Variants in CYB5D2 observed in about 807,000 individuals in gnomAD.
CYB5D2 encodes the protein cytochrome b5 domain containing 2.
CYB5D2 carries 23 observed loss-of-function variants against 22.8 expected under a neutral mutation model. That is an observed-to-expected ratio of 1.01 (90% CI 0.73 to 1.43). The LOEUF is 1.43. CYB5D2 is among the 40% of genes most tolerant of loss of function. The pLI is 0.00. For missense variants in CYB5D2, 373 were observed against 357.2 expected (o/e 1.04, Z -0.36); for synonymous variants, 170 against 152.2 (o/e 1.12, Z -0.86).
At chr17:4,155,407 C>T (rs933632898) in intron 3 of CYB5D2, among the ~76,000 whole-genome samples, 1 of 152,074 alleles carries the variant, frequency 6.6e-6, no homozygotes, top group Non-Finnish European at 1.5e-5. Flanking sequence ...CGCTTGAGCT[C>T]AGGAGTTGGA....
chr17:4,157,003 G>A lies in CYB5D2; in HGVS notation c.716G>A (p.Arg239His), dbSNP rs2059119314. ...QMPDNPPHRN[R>H]GDLDHPNLAE... ...CCGGACAACCCTCCACACAGAAATC[G>A]TGGGGACCTGGACCACCCAAACTTG... Residue 239 changes from arginine (R) to histidine (H), a missense_variant, in exon 4 of 4, where the codon CGT becomes CAT. By Grantham distance (29) the Arg-to-His change is conservative (BLOSUM62 0). Transcript: ENST00000301391. The surrounding 1 kb of genome is among the most constrained non-coding windows in gnomAD (Gnocchi z 4.4). 4 of 1,612,730 alleles carry A rather than the reference G, an allele frequency of 2.5e-6. No individual in the cohort carries two copies. The highest frequency in any genetic ancestry group is 3.4e-6 in the Non-Finnish European group (4 of 1,180,032).
At chr17:4,145,934 G>A (rs1360666358) in intron 1 of CYB5D2, among the ~76,000 whole-genome samples, 1 of 151,998 alleles carries the variant, frequency 6.6e-6, no homozygotes, top group Non-Finnish European at 1.5e-5. Flanking sequence ...AAGTAGCGGG[G>A]ACCATAGGTG....
intron 3 of CYB5D2, 111 bp downstream of exon 3, chr17:4,154,971 T>G (rs1347109749): frequency 2.3e-5 from 26 of 1,143,016 alleles, no homozygotes; most frequent in Non-Finnish European, 8.5e-6. Context: ...CCTGGGGAGC[T>G]TTTTCAAAAT....
chr17:4,147,219 C>T (rs1383511142), intron 1 of CYB5D2, among the ~76,000 whole-genome samples: 2 of 152,026 alleles, frequency 1.3e-5, no homozygotes, highest in Non-Finnish European at 1.5e-5. Flanking sequence ...TGCAGTGAGC[C>T]AAGATCGCAC....
chr17:4,156,812 C>A, intron 3 of CYB5D2, 54 bp from the exon 4 acceptor site: 1 of 1,585,488 alleles, frequency 6.3e-7, no homozygotes, highest in Non-Finnish European at 8.6e-7. Flanking sequence ...TCTCCCCTTC[C>A]CAGAGACTCA....
intron 1 of CYB5D2, among the ~76,000 whole-genome samples, chr17:4,145,278 C>T (rs34767676): frequency 0.042 from 6,425 of 152,296 alleles, 192 homozygotes; most frequent in Non-Finnish European, 0.067. Context: ...AGCCACTTCC[C>T]TCTGTCTAGG....
At position 4,143,587 on chromosome 17, in the gene CYB5D2, C is replaced by T. The variant is rs1476790962; in HGVS notation, c.-169C>T. The T allele has an allele frequency of 1.0e-5, 10 of 956,032 alleles. No homozygotes were observed. Among genetic ancestry groups the T allele is most frequent in the East Asian group, 2.7e-5 (1 of 36,854 alleles). 59.2% of individuals were successfully genotyped at this position (956,032 alleles called of 1,614,324 possible). A position where few individuals can be genotyped will look rare whatever the true frequency, so the allele number is the denominator to read the frequency against. On this transcript the variant is annotated 5_prime_UTR_variant, in exon 1 of 4. Coordinates refer to ENST00000301391, the MANE Select transcript of CYB5D2 (RefSeq NM_144611.4). ...CAGACAGCGAGCTTTTCGCCAGTGC[C>T]AGGAATACAGATAAAACGAGAGAGA...
rs368395731 is a variant in CYB5D2 at position 4,157,109 on chromosome 17, A to G, written c.*27A>G. On this transcript the variant is annotated 3_prime_UTR_variant, in exon 4 of 4. Coordinates refer to ENST00000301391, the MANE Select transcript of CYB5D2 (RefSeq NM_144611.4). This position sits in a 1 kb window ranked among gnomAD's most constrained non-coding sequence, Gnocchi z 4.4. Reference sequence around the variant, plus strand: ...CCGTAGCCTCTTCTGTTAATAACACACAGAGAGCTCTGCCAAGCACCTGAG... The same window carrying G: ...CCGTAGCCTCTTCTGTTAATAACACGCAGAGAGCTCTGCCAAGCACCTGAG... 2.5e-6 allele frequency: 4 copies of G among 1,609,146 alleles called. No individual in the cohort carries two copies. The highest frequency in any genetic ancestry group is 3.4e-6 in the Non-Finnish European group (4 of 1,178,442).
At chr17:4,147,700 A>G (rs2059007779) in intron 1 of CYB5D2, among the ~76,000 whole-genome samples, 1 of 152,188 alleles carries the variant, frequency 6.6e-6, no homozygotes, top group South Asian at 2.1e-4. Flanking sequence ...CTAAAAATAC[A>G]AAATTAGCCG....
Position 4,143,579 on chromosome 17 carries a change from G to T in CYB5D2, c.-177G>T. The stretch of plus-strand genomic sequence containing the variant: ...AAAAGTCGCAGACAGCGAGCTTTTC[G>T]CCAGTGCCAGGAATACAGATAAAAC... On this transcript the variant is annotated 5_prime_UTR_variant, in exon 1 of 4. Coordinates refer to ENST00000301391, the MANE Select transcript of CYB5D2 (RefSeq NM_144611.4). 1 of 818,188 alleles carries T rather than the reference G, an allele frequency of 1.2e-6. No individual in the cohort carries two copies. The highest frequency in any genetic ancestry group is 1.8e-6 in the Non-Finnish European group (1 of 555,322). 50.7% of individuals were successfully genotyped at this position (818,188 alleles called of 1,614,324 possible). A position where few individuals can be genotyped will look rare whatever the true frequency, so the allele number is the denominator to read the frequency against.
Position 4,154,701 on chromosome 17 carries a change from A to T in CYB5D2, c.419A>T (p.Glu140Val). 1 of 1,614,154 alleles carries T rather than the reference A, an allele frequency of 6.2e-7. No individual in the cohort carries two copies. Among genetic ancestry groups the T allele is most frequent in the Non-Finnish European group, 8.5e-7 (1 of 1,180,014 alleles). ...AGGGTGACAGGACGGTTCTACGGAG[A>T]GGATGGGCTGCCCACCCCGGCACTG... The part of the protein sequence containing the change: ...VGRVTGRFYG[E>V]DGLPTPALTQ... Residue 140 changes from glutamate (E) to valine (V), a missense_variant, in exon 3 of 4, where the codon GAG (glutamate) becomes GTG (valine). Glu to Val is a moderately radical substitution (Grantham distance 121). Transcript: ENST00000301391.
At chr17:4,152,005 C>CAAA (rs112798736) in intron 2 of CYB5D2, among the ~76,000 whole-genome samples, 1 of 88,776 alleles carries the variant, frequency 1.1e-5, no homozygotes, top group African/African-American at 3.9e-5. Flanking sequence ...GACCCTGTCT[C>CAAA]AAAAAAAAAA....
intron 1 of CYB5D2, among the ~76,000 whole-genome samples, chr17:4,146,777 T>G (rs190104217): frequency 6.6e-6 from 1 of 152,048 alleles, no homozygotes; most frequent in East Asian, 1.9e-4. Context: ...AGAAAGAAAC[T>G]TCTTATCTAT....
intron 3 of CYB5D2, among the ~76,000 whole-genome samples, chr17:4,155,284 G>A (rs1175889593): frequency 1.3e-5 from 2 of 152,116 alleles, no homozygotes; most frequent in African/African-American, 2.4e-5. Context: ...GAGGTGGGGA[G>A]GGTACCTGCA....
chr17:4,156,299 C>G (rs955501998), intron 3 of CYB5D2, among the ~76,000 whole-genome samples: 2 of 152,254 alleles, frequency 1.3e-5, no homozygotes, highest in African/African-American at 4.8e-5. Context: ...TGTCTGAAGC[C>G]TAGTGCCATC....
chr17:4,143,974 C>A lies in CYB5D2; in HGVS notation c.219C>A (p.Tyr73Ter). 1 of 1,611,662 alleles carries A rather than the reference C, an allele frequency of 6.2e-7. No individual in the cohort carries two copies. The highest frequency in any genetic ancestry group is 8.5e-7 in the Non-Finnish European group (1 of 1,179,382). Residue 73 changes from tyrosine to a stop codon, truncating the protein, a stop_gained, in exon 1 of 4, where the codon TAC (tyrosine) becomes TAA (stop). Coordinates refer to ENST00000301391, the MANE Select transcript of CYB5D2 (RefSeq NM_144611.4). LOFTEE classifies it high-confidence loss of function. ...VYDVSSGRRH[Y>*]EPGSHYSGFA... is the part of the protein sequence containing the mutation. ...ATGTGTCCTCCGGCCGGAGGCACTACGAGCCTGGGTCCCACTATAGCGGCT... is the reference window on the plus strand; with the variant it reads ...ATGTGTCCTCCGGCCGGAGGCACTAAGAGCCTGGGTCCCACTATAGCGGCT...
chr17:4,151,055 T>G (rs2059052300), intron 2 of CYB5D2: 1 of 152,230 alleles, frequency 6.6e-6, no homozygotes, highest in Admixed American at 6.5e-5. Flanking sequence ...CCTTAATGCC[T>G]CTGAATTTCT....
intron 2 of CYB5D2, among the ~76,000 whole-genome samples, chr17:4,153,543 G>T (rs1567890806): frequency 6.6e-6 from 1 of 152,186 alleles, no homozygotes; most frequent in Non-Finnish European, 1.5e-5. Flanking sequence ...GAGAGCCATG[G>T]TAGGATTCAT....
At chr17:4,150,126 G>A in intron 2 of CYB5D2, 95 bp downstream of exon 2, 1 of 1,454,224 alleles carries the variant, frequency 6.9e-7, no homozygotes, top group South Asian at 1.2e-5. Context: ...CTTAAAATCT[G>A]AAAAACAGCC....
Sources: gnomAD v4.1 joint callset for allele counts (sites outside exome capture counted in the v4.1 genomes callset) on GRCh38, gnomAD v4.1.1 for gene constraint, Gnocchi (gnomAD v3.1) non-coding constraint, MANE v1.5 for transcripts, NCBI Gene and HGNC (gene_info 2026-07-23, HGNC 2026-07-21) for gene names.